TANK: variants seen among roughly 807,000 people sequenced by gnomAD.
The protein encoded by TANK is TRAF family member-associated NF-kappa-B activator.
A neutral mutation model predicts 43.6 loss-of-function variants in TANK; 15 were observed. The ratio of observed to expected loss-of-function variants is 0.34; its 90% confidence interval spans 0.23 to 0.53. The LOEUF is 0.53. Among genes scored for constraint, TANK ranks in the 20% least tolerant of loss-of-function variants. The pLI is 0.94. For missense variants in TANK, 417 were observed against 498.6 expected (o/e 0.84, Z 1.56); for synonymous variants, 162 against 178.2 (o/e 0.91, Z 0.73).
chr2:161,142,140 TC>T (rs1214124703), intron 1 of TANK, among the ~76,000 whole-genome samples: 1 of 152,194 alleles, frequency 6.6e-6, no homozygotes, highest in African/African-American at 2.4e-5. Context: ...TTGAGAAGTG[TC>T]TATTCATATC....
chr2:161,235,219 G>A, intron 7 of TANK, 123 bp from the exon 8 acceptor site: 3 of 784,524 alleles, frequency 3.8e-6, no homozygotes, highest in South Asian at 2.7e-5. Flanking sequence ...AAAGTAATTT[G>A]CTTTTATATT....
intron 1 of TANK, among the ~76,000 whole-genome samples, chr2:161,139,213 T>C (rs1381279860): frequency 6.6e-6 from 1 of 152,200 alleles, no homozygotes; most frequent in Non-Finnish European, 1.5e-5. Context: ...CAGTGTTTAA[T>C]AACAGAGAAG....
At chr2:161,143,247 A>G (rs901611397) in intron 1 of TANK, among the ~76,000 whole-genome samples, 5 of 152,172 alleles carry the variant, frequency 3.3e-5, no homozygotes, top group Admixed American at 6.5e-5. Flanking sequence ...TTTTCTAAAT[A>G]TAGACTCATA....
At chr2:161,145,882 G>A (rs908085040) in intron 1 of TANK, among the ~76,000 whole-genome samples, 1 of 151,040 alleles carries the variant, frequency 6.6e-6, no homozygotes, top group African/African-American at 2.5e-5. Context: ...TTGCTAGGTT[G>A]GGGAAGTTCT....
At chr2:161,213,988 C>T (rs548722651) in intron 4 of TANK, among the ~76,000 whole-genome samples, 1 of 152,200 alleles carries the variant, frequency 6.6e-6, no homozygotes, top group Admixed American at 6.6e-5. Context: ...AATATTGGTT[C>T]ACTAAGTTAT....
chr2:161,224,877 TTGAA>T, intron 6 of TANK, 131 bp downstream of exon 6: 2 of 548,156 alleles, frequency 3.6e-6, no homozygotes, highest in East Asian at 6.1e-5. Flanking sequence ...CCACGTATGT[TTGAA>T]TGTGTACATG....
intron 4 of TANK, chr2:161,211,675 T>TTGTTACACAAA: frequency 1.3e-6 from 1 of 750,244 alleles, no homozygotes; most frequent in Non-Finnish European, 1.6e-6. Flanking sequence ...GTTACTCAAC[T>TTGTTACACAAA]TTTTAAAAAT....
intron 1 of TANK, among the ~76,000 whole-genome samples, chr2:161,152,319 T>C (rs370147937): frequency 6.6e-6 from 1 of 152,192 alleles, no homozygotes; most frequent in Non-Finnish European, 1.5e-5. Flanking sequence ...ATCATTTCTT[T>C]AGGGTAAGTC....
intron 4 of TANK, chr2:161,216,267 G>A (rs1448010599): frequency 3.1e-6 from 1 of 322,860 alleles, no homozygotes; most frequent in Non-Finnish European, 6.2e-6. Flanking sequence ...TTCTCTAGAA[G>A]TTACATCTGG....
At chr2:161,159,520 T>G (rs1684314993), upstream of TANK, among the ~76,000 whole-genome samples, 3 of 152,228 alleles carry the variant, frequency 2.0e-5, no homozygotes, top group Admixed American at 2.0e-4. Flanking sequence ...AAAACATTGT[T>G]TCAAATATAT....
intron 2 of TANK, among the ~76,000 whole-genome samples, chr2:161,181,173 C>A (rs143508779): frequency 0.014 from 2,093 of 152,278 alleles, 51 homozygotes; most frequent in African/African-American, 0.048. Context: ...GTAATCCCAG[C>A]ACTTTGGGAG....
chr2:161,231,445 G>A lies in TANK; in HGVS notation c.995G>A (p.Gly332Glu). 1 of 1,614,088 alleles carries A rather than the reference G, an allele frequency of 6.2e-7. No individual in the cohort carries two copies. The highest frequency in any genetic ancestry group is 8.5e-7 in the Non-Finnish European group (1 of 1,180,012). Reference protein sequence around the residue: ...TLDRAACLPPGDHNALYVNSF... With the variant: ...TLDRAACLPPEDHNALYVNSF... Reference sequence around the variant, plus strand: ...GATAGAGCTGCGTGTTTGCCACCTGGAGACCATAATGCATTATATGTAAAT... The same window carrying A: ...GATAGAGCTGCGTGTTTGCCACCTGAAGACCATAATGCATTATATGTAAAT... The change falls in exon 7 of 8, where the codon GGA becomes GAA. Residue 332 changes from glycine (G) to glutamate (E), a missense_variant. By Grantham distance (98) the Gly-to-Glu change is moderately conservative. Coordinates refer to ENST00000392749, the MANE Select transcript of TANK (RefSeq NM_001199135.3).
chr2:161,162,104 CAACT>C (rs759730953), intron 1 of TANK, among the ~76,000 whole-genome samples: 9 of 152,214 alleles, frequency 5.9e-5, no homozygotes, highest in Non-Finnish European at 8.8e-5. Context: ...ATTTCTCTCC[CAACT>C]GACTAGAAAT....
intron 6 of TANK, chr2:161,227,088 C>T (rs1687670606): frequency 6.6e-6 from 1 of 152,192 alleles, no homozygotes; most frequent in Non-Finnish European, 1.5e-5. Flanking sequence ...ATGACAAGTG[C>T]TTTCATGCAT....
At chr2:161,153,635 C>T (rs1684139058) in intron 1 of TANK, among the ~76,000 whole-genome samples, 1 of 144,762 alleles carries the variant, frequency 6.9e-6, no homozygotes, top group South Asian at 2.2e-4. Flanking sequence ...CTGCAATGAG[C>T]CAAGATCCTG....
At chr2:161,224,034 T>C in intron 5 of TANK, 43 bp downstream of exon 5, 1 of 1,229,118 alleles carries the variant, frequency 8.1e-7, no homozygotes, top group Non-Finnish European at 1.2e-6. Context: ...AAATTATCAA[T>C]ACTGAAATAT....
In TANK at chr2:161,207,450, T is replaced by G. The variant is rs902570929; in HGVS notation, c.327+2657T>G. The G allele has an allele frequency of 3.1e-6, 3 of 981,904 alleles. No individual in the cohort carries two copies. In the African/African-American group the frequency reaches 5.2e-5, roughly 17 times the overall value. 60.8% of individuals were successfully genotyped at this position (981,904 alleles called of 1,614,324 possible). Reference sequence around the variant, plus strand: ...CCATTTAATAAAAATAAAAATTAACTGTCTTGCAGTTCAGCTTTCTCTTTT... The same window carrying G: ...CCATTTAATAAAAATAAAAATTAACGGTCTTGCAGTTCAGCTTTCTCTTTT... On this transcript the variant is annotated intron_variant, in intron 4 of 7. Transcript: ENST00000392749.
chr2:161,166,788 T>C (rs1448118391), intron 1 of TANK, among the ~76,000 whole-genome samples: 2 of 151,648 alleles, frequency 1.3e-5, no homozygotes, highest in Non-Finnish European at 2.9e-5. Flanking sequence ...AGAGTGAAGC[T>C]CTGTCTCAAA....
At chr2:161,163,010 T>A (rs1367946974) in intron 1 of TANK, 1 of 152,220 alleles carries the variant, frequency 6.6e-6, no homozygotes, top group East Asian at 1.9e-4. Context: ...CGCTTGGTCA[T>A]GGTGTAATAT....
Sources: allele counts gnomAD v4.1 joint callset (sites outside exome capture counted in the v4.1 genomes callset), GRCh38; gene constraint gnomAD v4.1.1; transcripts MANE v1.5; gene names NCBI Gene and HGNC (gene_info 2026-07-23, HGNC 2026-07-21).